The following CECR2 variants were observed in gnomAD, a reference collection of about 807,000 sequenced individuals.
CECR2 encodes chromatin remodeling regulator CECR2.
Under a neutral mutation model 154.5 loss-of-function variants are expected in CECR2, and 30 were observed. That is an observed-to-expected ratio of 0.19 (90% confidence interval 0.15 to 0.26). The LOEUF is 0.26. Ranked by LOEUF, CECR2 falls within the 10% of genes least tolerant of loss-of-function variation. The pLI is 1.00. For missense variants in CECR2, 1,743 were observed against 1,829.3 expected (o/e 0.95, Z 0.86); for synonymous variants, 725 against 683.7 (o/e 1.06, Z -0.94).
At chr22:17,411,549 A>G (rs1216765914) in intron 1 of CECR2, among the ~76,000 whole-genome samples, 2 of 152,234 alleles carry the variant, frequency 1.3e-5, no homozygotes, top group Non-Finnish European at 2.9e-5. Flanking sequence ...TAGATATAAG[A>G]TACAAGATGG....
Position 17,397,611 on chromosome 22 carries a change from C to T in CECR2, c.126+27702C>T, listed in dbSNP as rs143622567. On this transcript the variant is annotated intron_variant, in intron 1 of 18. Coordinates refer to ENST00000262608, the MANE Select transcript of CECR2 (RefSeq NM_001290047.2). ...CTCCCGGGTTCACCCCATTCTCCTG[C>T]CTCAGCCTCCCGAGTAGCTGGAACT... is the stretch of plus-strand genomic sequence containing the variant. 2.5e-3 allele frequency among the ~76,000 whole-genome samples: 375 copies of T among 152,264 alleles called. 1 individual carries two copies. Among genetic ancestry groups the T allele is most frequent in the African/African-American group, 8.4e-3 (351 of 41,564 alleles).
intron 1 of CECR2, among the ~76,000 whole-genome samples, chr22:17,448,705 T>C (rs760363856): frequency 1.3e-4 from 20 of 152,288 alleles, no homozygotes; most frequent in South Asian, 4.1e-4. Flanking sequence ...CTACGGTCTT[T>C]TGTGTTGATT....
chr22:17,383,430 G>C (rs1187851243), intron 1 of CECR2, among the ~76,000 whole-genome samples: 1 of 152,048 alleles, frequency 6.6e-6, no homozygotes, highest in Admixed American at 6.6e-5. Context: ...TTATCAGCTT[G>C]GTTTAGAATA....
upstream of CECR2, among the ~76,000 whole-genome samples, chr22:17,367,671 G>A (rs945183795): frequency 1.5e-4 from 23 of 151,910 alleles, no homozygotes; most frequent in Non-Finnish European, 3.4e-4. Flanking sequence ...ACAGGCGTAA[G>A]CCACCGCGCC....
intron 2 of CECR2, among the ~76,000 whole-genome samples, chr22:17,489,235 G>A (rs183954017): frequency 6.6e-6 from 1 of 152,126 alleles, no homozygotes; most frequent in African/African-American, 2.4e-5. Flanking sequence ...GCCCGGCCTA[G>A]TTACTTCCTA....
chr22:17,506,005 C>T (rs960784331), intron 7 of CECR2, among the ~76,000 whole-genome samples: 1 of 151,668 alleles, frequency 6.6e-6, no homozygotes, highest in African/African-American at 2.4e-5. Flanking sequence ...CCACCACACC[C>T]AGCTAATTAT....
At chr22:17,385,114 G>A (rs992332667) in intron 1 of CECR2, among the ~76,000 whole-genome samples, 7 of 152,214 alleles carry the variant, frequency 4.6e-5, no homozygotes, top group African/African-American at 1.2e-4. Flanking sequence ...TGGCTTCAGG[G>A]AATGTTGTGG....
At chr22:17,402,730 TTTTC>T (rs774482064) in intron 1 of CECR2, among the ~76,000 whole-genome samples, 36 of 151,496 alleles carry the variant, frequency 2.4e-4, no homozygotes, top group African/African-American at 3.4e-4. Context: ...CAATCTTTTC[TTTTC>T]TTTCTTTCTT....
chr22:17,414,182 C>G (rs566392766), intron 1 of CECR2, among the ~76,000 whole-genome samples: 2 of 151,744 alleles, frequency 1.3e-5, no homozygotes, highest in East Asian at 1.9e-4. Context: ...CTGTGTTAGC[C>G]AGGATGGTCT....
chr22:17,476,396 G>A (rs997577798), intron 1 of CECR2, among the ~76,000 whole-genome samples: 5 of 151,786 alleles, frequency 3.3e-5, no homozygotes, highest in African/African-American at 1.2e-4. Flanking sequence ...TTAGTAGCTG[G>A]GATCACAGGT....
chr22:17,543,032 T>C lies in CECR2; in HGVS notation c.2860+29T>C, dbSNP rs374144152. Reference sequence around the variant, plus strand: ...ATTTACACTGTCACTTTGGGCTCTTTAAGCTCTTGTTTCATGAGTAATCTT... The same window carrying C: ...ATTTACACTGTCACTTTGGGCTCTTCAAGCTCTTGTTTCATGAGTAATCTT... On this transcript the variant is annotated intron_variant, in intron 16 of 18. Transcript: ENST00000262608. 2.6e-6 allele frequency: 4 copies of C among 1,561,136 alleles called. No individual in the cohort carries two copies. In the African/African-American group the frequency reaches 4.1e-5, roughly 16 times the overall value.
rs1369371404 is a variant in CECR2, at chr22:17,452,853, A to T, written c.127-24735A>T. ...ATCACTAGGGAGGGAGGAAGGAGCT[A>T]TAAAAGAAAGAGGTCACTCATCACA... On this transcript the variant is annotated intron_variant, in intron 1 of 18. Transcript: ENST00000262608. Among the ~76,000 whole-genome samples the T allele has an allele frequency of 3.9e-5, 6 of 152,258 alleles. No individual in the cohort carries two copies. The East Asian group carries it at 5.8e-4, about 15-fold the overall frequency.
intron 15 of CECR2, 86 bp downstream of exon 15, chr22:17,542,053 T>C: frequency 1.3e-6 from 2 of 1,570,798 alleles, no homozygotes; most frequent in Non-Finnish European, 1.7e-6. Context: ...TTAAATGTTG[T>C]TCATTGCGTC....
At chr22:17,429,832 C>T (rs528756593) in intron 1 of CECR2, among the ~76,000 whole-genome samples, 1 of 152,268 alleles carries the variant, frequency 6.6e-6, no homozygotes, top group East Asian at 1.9e-4. Flanking sequence ...AAGATGTTTT[C>T]ATTCATGGTC....
intron 1 of CECR2, among the ~76,000 whole-genome samples, chr22:17,456,356 C>T (rs2054854517): frequency 6.6e-6 from 1 of 152,108 alleles, no homozygotes; most frequent in Admixed American, 6.6e-5. Flanking sequence ...AAATTCCTCA[C>T]AGCCATTCTT....
chr22:17,473,086 G>T (rs2055154452), intron 1 of CECR2, among the ~76,000 whole-genome samples: 1 of 152,132 alleles, frequency 6.6e-6, no homozygotes, highest in Non-Finnish European at 1.5e-5. Context: ...GAAGGATGTT[G>T]AACAGACTTT....
rs539064316 is a variant in CECR2 at position 17,394,499 on chromosome 22, C to G, written c.126+24590C>G. ...TTTGAGCGTGAACCACCACACCCAG[C>G]CTAGGTTCTTAGTTCTGTTCCATTG... On this transcript the variant is annotated intron_variant, in intron 1 of 18. Transcript: ENST00000262608. Among the ~76,000 whole-genome samples the G allele has an allele frequency of 2.0e-5, 3 of 152,168 alleles. No homozygotes were observed. In the East Asian group the frequency reaches 5.8e-4, roughly 29 times the overall value.
chr22:17,422,472 G>C (rs773556402), intron 1 of CECR2, among the ~76,000 whole-genome samples: 66 of 152,296 alleles, frequency 4.3e-4, no homozygotes, highest in Non-Finnish European at 7.5e-4. Context: ...CAAAGTGCTG[G>C]GATCCCATGC....
chr22:17,540,918 T>G, intron 14 of CECR2, 118 bp downstream of exon 14: 1 of 1,073,966 alleles, frequency 9.3e-7, no homozygotes, highest in Non-Finnish European at 1.3e-6. Flanking sequence ...GGAATCTTTT[T>G]CCCTGTGAGT....
Sources: allele counts gnomAD v4.1 joint callset (sites outside exome capture counted in the v4.1 genomes callset), GRCh38; gene constraint gnomAD v4.1.1; transcripts MANE v1.5; gene names NCBI Gene and HGNC (gene_info 2026-07-23, HGNC 2026-07-21).